Variants in MRTFB observed in about 807,000 individuals in gnomAD.
The protein encoded by MRTFB is myocardin-related transcription factor B.
A neutral mutation model predicts 104.2 loss-of-function variants in MRTFB; 29 were observed. That is an observed-to-expected ratio of 0.28 (90% confidence interval 0.21 to 0.38). MRTFB has a LOEUF of 0.38. Among genes scored for constraint, MRTFB ranks in the 10% least tolerant of loss-of-function variants. The pLI, the probability that MRTFB is intolerant of heterozygous loss-of-function variation, is 1.00. For missense variants in MRTFB, 1,270 were observed against 1,341.6 expected (o/e 0.95, Z 0.83); for synonymous variants, 535 against 519.5 (o/e 1.03, Z -0.41).
intron 3 of MRTFB, chr16:14,187,172 A>C: frequency 1.4e-6 from 1 of 710,736 alleles, no homozygotes; most frequent in Non-Finnish European, 2.2e-6. Flanking sequence ...AAGTTCTTTG[A>C]AATGAAAGCT....
intron 3 of MRTFB, among the ~76,000 whole-genome samples, chr16:14,174,404 C>T (rs1176599698): frequency 1.3e-5 from 2 of 152,114 alleles, no homozygotes; most frequent in Non-Finnish European, 2.9e-5. Flanking sequence ...TCGCCCTGGC[C>T]AGGCACGTTG....
chr16:14,097,689 T>TCA, intron 2 of MRTFB, among the ~76,000 whole-genome samples: 1 of 152,334 alleles, frequency 6.6e-6, no homozygotes, highest in East Asian at 1.9e-4. Flanking sequence ...AACATATCCA[T>TCA]CACCCCCCAA....
At chr16:14,244,794 A>T (rs2042943545) in intron 10 of MRTFB, among the ~76,000 whole-genome samples, 1 of 152,142 alleles carries the variant, frequency 6.6e-6, no homozygotes, top group African/African-American at 2.4e-5. Context: ...TACTCTAGAT[A>T]TGAGGTCTTT....
the MRTFB span, among the ~76,000 whole-genome samples, chr16:14,028,980 TA>T: frequency 1.3e-5 from 2 of 152,090 alleles, no homozygotes; most frequent in Non-Finnish European, 2.9e-5. Flanking sequence ...TGAAGTGAGT[TA>T]AAACAAGCAT....
At chr16:14,158,602 TG>T (rs2038914938) in intron 3 of MRTFB, among the ~76,000 whole-genome samples, 1 of 152,190 alleles carries the variant, frequency 6.6e-6, no homozygotes, top group Non-Finnish European at 1.5e-5. Flanking sequence ...ATTAAAGATA[TG>T]TTTAAGATTA....
Position 14,221,778 on chromosome 16 carries a change from CTTT to C in MRTFB, c.693+2799_693+2801del, listed in dbSNP as rs34467645. Among the ~76,000 whole-genome samples the C allele has an allele frequency of 2.0e-3, 144 of 70,810 alleles. 3 individuals are homozygous for C. The highest frequency in any genetic ancestry group is 6.5e-3 in the African/African-American group (132 of 20,200). The allele number at this position is 70,810 out of a possible 152,430, so 46.5% of individuals were successfully genotyped here. Reference sequence around the variant, plus strand: ...CTTGATTTTTTTAGATATTTCTTTCCTTTTTTTTTTTTTTTTTTTTTGAGAGGG... The same window carrying C: ...CTTGATTTTTTTAGATATTTCTTTCCTTTTTTTTTTTTTTTTTTGAGAGGG... On this transcript the variant is annotated intron_variant, in intron 8 of 16. Coordinates refer to ENST00000571589, the MANE Select transcript of MRTFB (RefSeq NM_001308142.2).
At chr16:14,010,593 G>C in the MRTFB span, among the ~76,000 whole-genome samples, 1 of 152,110 alleles carries the variant, frequency 6.6e-6, no homozygotes, top group Non-Finnish European at 1.5e-5. Flanking sequence ...GTGCCACCAT[G>C]CCTGGCTATT....
chr16:14,039,991 G>A, the MRTFB span, among the ~76,000 whole-genome samples: 5 of 151,968 alleles, frequency 3.3e-5, no homozygotes, highest in East Asian at 3.9e-4. Context: ...CAGGTGATCT[G>A]CCCACCTTGG....
At chr16:14,154,145 C>A (rs1174562012) in intron 3 of MRTFB, among the ~76,000 whole-genome samples, 2 of 152,102 alleles carry the variant, frequency 1.3e-5, no homozygotes, top group Non-Finnish European at 2.9e-5. Context: ...TCAGCCTGGG[C>A]AATAAAGCTA....
chr16:14,171,293 A>G (rs924724634), intron 3 of MRTFB, among the ~76,000 whole-genome samples: 8 of 152,160 alleles, frequency 5.3e-5, no homozygotes, highest in Non-Finnish European at 1.2e-4. Context: ...GAAAATATAC[A>G]TAGTCTGGGC....
chr16:14,084,930 A>T (rs189485581), intron 2 of MRTFB, among the ~76,000 whole-genome samples: 1 of 152,326 alleles, frequency 6.6e-6, no homozygotes, highest in Non-Finnish European at 1.5e-5. Flanking sequence ...CAAACAAGAA[A>T]ATCAGAGAGC....
At chr16:14,239,400 G>T (rs985325816) in intron 9 of MRTFB, among the ~76,000 whole-genome samples, 4 of 152,206 alleles carry the variant, frequency 2.6e-5, no homozygotes, top group African/African-American at 9.7e-5. Flanking sequence ...CTTTGGATAT[G>T]AATATAGATA....
At chr16:14,210,450 A>G (rs1322784332) in intron 4 of MRTFB, 142 bp downstream of exon 4, 7 of 610,162 alleles carry the variant, frequency 1.1e-5, no homozygotes, top group Non-Finnish European at 1.9e-5. Context: ...AGGAAAAATC[A>G]GGCACCTAAG....
intron 10 of MRTFB, among the ~76,000 whole-genome samples, chr16:14,242,456 C>T (rs2042815120): frequency 6.6e-6 from 1 of 152,170 alleles, no homozygotes; most frequent in Admixed American, 6.5e-5. Context: ...TGTTCAATTT[C>T]CAGATCCTAA....
chr16:14,215,024 G>T (rs1473106840), intron 6 of MRTFB: 1 of 152,212 alleles, frequency 6.6e-6, no homozygotes, highest in Admixed American at 6.5e-5. Flanking sequence ...AAGTTTACTG[G>T]TAAGTAGCCA....
chr16:14,143,885 G>A (rs930924553), intron 3 of MRTFB: 4 of 152,006 alleles, frequency 2.6e-5, no homozygotes, highest in Non-Finnish European at 5.9e-5. Flanking sequence ...CTAGTGAAAA[G>A]GAGGTTACCC....
At chr16:14,067,701 A>G (rs1191731941), upstream of MRTFB, among the ~76,000 whole-genome samples, 2 of 152,186 alleles carry the variant, frequency 1.3e-5, no homozygotes, top group South Asian at 4.1e-4. Context: ...GAAACTGGGA[A>G]GAGATTGCTT....
At chr16:14,150,648 A>G (rs768678082) in intron 3 of MRTFB, among the ~76,000 whole-genome samples, 4 of 152,170 alleles carry the variant, frequency 2.6e-5, no homozygotes, top group Non-Finnish European at 5.9e-5. Flanking sequence ...AGCTTGGACA[A>G]TATATAGCAA....
chr16:14,253,575 CAGT>C (rs943962087), intron 15 of MRTFB, among the ~76,000 whole-genome samples: 1 of 152,204 alleles, frequency 6.6e-6, no homozygotes, highest in Non-Finnish European at 1.5e-5. Context: ...AGGGAGTATG[CAGT>C]CATGCCTACG....
Sources: gnomAD v4.1 joint callset for allele counts (sites outside exome capture counted in the v4.1 genomes callset) on GRCh38, gnomAD v4.1.1 for gene constraint, MANE v1.5 for transcripts, NCBI Gene and HGNC (gene_info 2026-07-23, HGNC 2026-07-21) for gene names.